Variants in SLC5A10 observed in about 807,000 individuals in gnomAD.
SLC5A10 encodes sodium/mannose cotransporter SLC5A10.
Under a neutral mutation model 68.9 loss-of-function variants are expected in SLC5A10, and 55 were observed. The ratio of observed to expected loss-of-function variants is 0.80; its 90% CI spans 0.64 to 1.00. The LOEUF (loss-of-function observed/expected upper bound fraction) is 1.00, where lower values mean the gene tolerates loss of function less well. Among genes scored for constraint, SLC5A10 ranks in the 50% least tolerant of loss-of-function variants. The pLI, the probability that SLC5A10 is intolerant of heterozygous loss-of-function variation, is 0.00. For missense variants in SLC5A10, 732 were observed against 819.3 expected (o/e 0.89, Z 1.30); for synonymous variants, 344 against 344.8 (o/e 1.00, Z 0.02).
At position 18,979,784 on chromosome 17, in the gene SLC5A10, G is replaced by A. The variant is rs2043082928; in HGVS notation, c.982+2795G>A. 3.2e-6 allele frequency: 4 copies of A among 1,259,514 alleles called. No individual in the cohort carries two copies. In the East Asian group the frequency reaches 9.4e-5, roughly 30 times the overall value. 78.0% of individuals were successfully genotyped at this position (1,259,514 alleles called of 1,614,324 possible). A position where few individuals can be genotyped will look rare whatever the true frequency, so the allele number is the denominator to read the frequency against. On this transcript the variant is annotated intron_variant, in intron 9 of 14. Transcript: ENST00000395645. ...AGAGGGGACTCTGGAGTAGTCAGGA[G>A]GGGAAGAAAGAGGCTGTAAGGCCTG...
In SLC5A10 at chr17:19,004,161, A is replaced by G. The variant is rs1408236671; in HGVS notation, c.983-9249A>G. 6 of 857,874 alleles carry G rather than the reference A, an allele frequency of 7.0e-6. 1 individual carries two copies. Among genetic ancestry groups the G allele is most frequent in the South Asian group, 5.2e-5 (3 of 57,302 alleles). The allele number at this position is 857,874 out of a possible 1,614,324, so 53.1% of individuals were successfully genotyped here. On this transcript the variant is annotated intron_variant, in intron 9 of 14. Transcript: ENST00000395645. The surrounding 1 kb of genome is among the most constrained non-coding windows in gnomAD (Gnocchi z 5.4). ...CTCCGCGGCCTCTGCTTCTCTGCCC[A>G]TGAGCAATCTGCGGGAAAGACCTGA...
intron 9 of SLC5A10, among the ~76,000 whole-genome samples, chr17:18,989,265 C>G (rs1033830423): frequency 6.6e-6 from 1 of 151,908 alleles, no homozygotes; most frequent in Non-Finnish European, 1.5e-5. Flanking sequence ...ACACAGCAAG[C>G]TGGGGACAGA....
At chr17:18,995,364 A>AAACACTAT (rs1731468429) in intron 9 of SLC5A10, among the ~76,000 whole-genome samples, 1 of 152,222 alleles carries the variant, frequency 6.6e-6, no homozygotes, top group Non-Finnish European at 1.5e-5. Flanking sequence ...AGGTGGAATT[A>AAACACTAT]ACAGATTAAA....
At chr17:18,995,932 A>G (rs2152136896) in intron 9 of SLC5A10, among the ~76,000 whole-genome samples, 1 of 151,798 alleles carries the variant, frequency 6.6e-6, no homozygotes, top group Middle Eastern at 3.4e-3. Context: ...AAAAAAGACT[A>G]AATCCACAGG....
chr17:18,952,461 G>A, intron 1 of SLC5A10, 145 bp downstream of exon 1: 1 of 989,120 alleles, frequency 1.0e-6, no homozygotes, highest in Non-Finnish European at 1.5e-6. Context: ...TCCCAGCCTG[G>A]GGTAGACTTG....
At chr17:18,985,785 C>T (rs1221440323) in intron 9 of SLC5A10, among the ~76,000 whole-genome samples, 1 of 152,200 alleles carries the variant, frequency 6.6e-6, no homozygotes, top group African/African-American at 2.4e-5. Context: ...AGCGAGGCGG[C>T]TGAGCAGGGC....
intron 9 of SLC5A10, among the ~76,000 whole-genome samples, chr17:18,987,743 G>A (rs2043307222): frequency 6.6e-6 from 1 of 152,204 alleles, no homozygotes; most frequent in Admixed American, 6.5e-5. Flanking sequence ...CATCGCAGAA[G>A]CCTTCCCTGG....
At chr17:19,008,073 T>C (rs2428373) in intron 9 of SLC5A10, among the ~76,000 whole-genome samples, 127,518 of 152,166 alleles carry the variant, frequency 0.84, 54,108 homozygotes, top group Middle Eastern at 0.91. Flanking sequence ...TGGTAAGTGA[T>C]GGTGGTAAGC....
intron 9 of SLC5A10, among the ~76,000 whole-genome samples, chr17:18,990,445 C>T (rs1385243068): frequency 1.3e-5 from 2 of 152,208 alleles, no homozygotes; most frequent in Non-Finnish European, 2.9e-5. Context: ...CAAACAGCCT[C>T]ACGTGCCACC....
intron 9 of SLC5A10, among the ~76,000 whole-genome samples, chr17:19,005,923 G>A (rs1266774715): frequency 6.6e-6 from 1 of 152,190 alleles, no homozygotes; most frequent in African/African-American, 2.4e-5. Context: ...GGGGAGCCCT[G>A]CCTTGAGGGT....
At chr17:18,965,019 C>G (rs1035071361) in intron 5 of SLC5A10, among the ~76,000 whole-genome samples, 26 of 151,810 alleles carry the variant, frequency 1.7e-4, no homozygotes, top group African/African-American at 6.3e-4. Flanking sequence ...TGACACACAC[C>G]TGTAATCCCA....
intron 9 of SLC5A10, among the ~76,000 whole-genome samples, chr17:18,992,872 G>A (rs2152133956): frequency 6.6e-6 from 1 of 152,276 alleles, no homozygotes; most frequent in Non-Finnish European, 1.5e-5. Context: ...AAGTGCTGGT[G>A]GCCGCCCTCT....
intron 3 of SLC5A10, 85 bp from the exon 4 acceptor site, chr17:18,959,519 G>A (rs1328843281): frequency 2.5e-5 from 36 of 1,458,358 alleles, no homozygotes; most frequent in Non-Finnish European, 3.0e-5. Flanking sequence ...CCTCCGGATG[G>A]CTCATCCCAG....
chr17:18,960,920 A>G (rs2042601693), intron 5 of SLC5A10, among the ~76,000 whole-genome samples: 1 of 152,116 alleles, frequency 6.6e-6, no homozygotes. Flanking sequence ...GGTTCTAGAC[A>G]CAGGGTGTTA....
chr17:18,961,756 C>T (rs996209905), intron 5 of SLC5A10, among the ~76,000 whole-genome samples: 22 of 152,094 alleles, frequency 1.4e-4, no homozygotes, highest in Non-Finnish European at 2.9e-4. Flanking sequence ...CACGGGGCCC[C>T]GGTGGGGGTC....
chr17:18,960,042 G>T (rs751728955), intron 4 of SLC5A10, among the ~76,000 whole-genome samples: 1 of 152,074 alleles, frequency 6.6e-6, no homozygotes, highest in African/African-American at 2.4e-5. Context: ...CCTGGGCTGC[G>T]TACCTGAATG....
At chr17:18,965,962 C>T (rs748529889) in intron 5 of SLC5A10, among the ~76,000 whole-genome samples, 10 of 152,210 alleles carry the variant, frequency 6.6e-5, no homozygotes, top group Admixed American at 2.0e-4. Context: ...ACCACACCCA[C>T]CTGGTAGGAT....
chr17:18,999,283 GAA>G (rs959679416), intron 9 of SLC5A10, among the ~76,000 whole-genome samples: 1 of 136,266 alleles, frequency 7.3e-6, no homozygotes, highest in Non-Finnish European at 1.6e-5. Context: ...GTCTCAAGAA[GAA>G]AAAAAAAAAA....
chr17:19,008,797 C>CATT lies in SLC5A10; in HGVS notation c.983-4597_983-4595dup, dbSNP rs1452725812. On this transcript the variant is annotated intron_variant, in intron 9 of 14. Transcript: ENST00000395645. ...TACAGGCGTGAGCCACCGTGCCTGG[C>CATT]ATTATTATTATTATTATTTTTTTTT... 4.2e-4 allele frequency among the ~76,000 whole-genome samples: 61 copies of CATT among 144,092 alleles called. 1 individual carries two copies. The highest frequency in any genetic ancestry group is 6.9e-4 in the Admixed American group (10 of 14,580). The allele number at this position is 144,092 out of a possible 152,430, so 94.5% of individuals were successfully genotyped here. A position where few individuals can be genotyped will look rare whatever the true frequency, so the allele number is the denominator to read the frequency against.
Sources: gnomAD v4.1 joint callset for allele counts (sites outside exome capture counted in the v4.1 genomes callset) on GRCh38, gnomAD v4.1.1 for gene constraint, Gnocchi (gnomAD v3.1) non-coding constraint, MANE v1.5 for transcripts, NCBI Gene and HGNC (gene_info 2026-07-23, HGNC 2026-07-21) for gene names.